FEZ2: variants seen among roughly 807,000 people sequenced by gnomAD.
FEZ2 encodes fasciculation and elongation protein zeta-2.
FEZ2 carries 51 observed loss-of-function variants against 40.4 expected under a neutral mutation model. That is an observed-to-expected ratio of 1.26 (90% CI 1.01 to 1.59). The LOEUF is 1.59. Ranked by LOEUF, FEZ2 falls within the 40% of genes most tolerant of loss-of-function variation. FEZ2 has a pLI of 0.00. For synonymous variants in FEZ2, 242 were observed against 172.0 expected (o/e 1.41, Z -3.18); for missense variants, 640 against 438.3 (o/e 1.46, Z -4.11).
At chr2:36,569,567 TGAACAA>T (rs1668350405) in intron 5 of FEZ2, among the ~76,000 whole-genome samples, 1 of 152,192 alleles carries the variant, frequency 6.6e-6, no homozygotes, top group South Asian at 2.1e-4. Context: ...TACATAAAAG[TGAACAA>T]GAATCAGATA....
At chr2:36,571,288 C>G (rs529590981) in intron 5 of FEZ2, among the ~76,000 whole-genome samples, 2 of 152,284 alleles carry the variant, frequency 1.3e-5, no homozygotes, top group African/African-American at 2.4e-5. Context: ...AAATGCTTTG[C>G]ACTAAAGAAA....
intron 1 of FEZ2, 116 bp downstream of exon 1, chr2:36,597,761 G>A (rs1006600821): frequency 2.3e-5 from 17 of 740,648 alleles, no homozygotes; most frequent in African/African-American, 2.0e-4. Flanking sequence ...AGAGGGCGGG[G>A]ACTCCCGCGT....
At chr2:36,566,849 T>C (rs1668254912) in intron 5 of FEZ2, among the ~76,000 whole-genome samples, 1 of 152,224 alleles carries the variant, frequency 6.6e-6, no homozygotes, top group African/African-American at 2.4e-5. Context: ...ATATTAACTT[T>C]AAACGTCTTC....
rs181587185 is a variant in FEZ2 at position 36,568,155 on chromosome 2, A to T, written c.904-9642T>A. Among the ~76,000 whole-genome samples the T allele has an allele frequency of 1.6e-4, 25 of 152,114 alleles. No homozygotes were observed. The East Asian group carries it at 2.3e-3, about 14-fold the overall frequency. The stretch of plus-strand genomic sequence containing the variant: ...ATGCTTAAATTTTATAAGTAGGAGG[A>T]CAAGGAAAGGGAGAGACAGAAGGGG... On this transcript the variant is annotated intron_variant, in intron 5 of 7. Coordinates refer to ENST00000405912, the MANE Select transcript of FEZ2 (RefSeq NM_005102.3).
chr2:36,561,726 C>G (rs1573002458), intron 5 of FEZ2, among the ~76,000 whole-genome samples: 1 of 151,978 alleles, frequency 6.6e-6, no homozygotes, highest in African/African-American at 2.4e-5. Context: ...GGAAAGGCTT[C>G]GTGAAAAGGA....
At chr2:36,576,893 T>G (rs1668588781) in intron 5 of FEZ2, among the ~76,000 whole-genome samples, 1 of 152,234 alleles carries the variant, frequency 6.6e-6, no homozygotes, top group South Asian at 2.1e-4. Context: ...AAATTTACTT[T>G]TCTCAGCCAA....
intron 2 of FEZ2, among the ~76,000 whole-genome samples, chr2:36,585,575 G>A (rs1411909610): frequency 3.9e-5 from 6 of 152,122 alleles, no homozygotes; most frequent in Admixed American, 6.5e-5. Context: ...TGAGTTCTAC[G>A]GCTCTATTGA....
chr2:36,572,273 T>C (rs904692813), intron 5 of FEZ2, among the ~76,000 whole-genome samples: 2 of 152,146 alleles, frequency 1.3e-5, no homozygotes, highest in African/African-American at 4.8e-5. Flanking sequence ...GCTTGGAGAT[T>C]GGCTGGCCAA....
chr2:36,564,015 TTTAA>T (rs1439449597), intron 5 of FEZ2, among the ~76,000 whole-genome samples: 5 of 152,334 alleles, frequency 3.3e-5, no homozygotes, highest in Admixed American at 2.0e-4. Flanking sequence ...TCTGTCCCTA[TTTAA>T]TTATCATGCA....
intron 5 of FEZ2, among the ~76,000 whole-genome samples, chr2:36,561,768 C>A (rs748433088): frequency 6.6e-6 from 1 of 152,162 alleles, no homozygotes; most frequent in African/African-American, 2.4e-5. Context: ...ATGGTTCCTT[C>A]CCCTGGAATT....
chr2:36,590,449 C>G (rs1396874800), intron 2 of FEZ2: 2 of 154,628 alleles, frequency 1.3e-5, no homozygotes, highest in African/African-American at 4.8e-5. Flanking sequence ...AGGTGAATTA[C>G]CTGAGGTCAG....
chr2:36,579,712 A>G (rs1173363608), intron 4 of FEZ2, among the ~76,000 whole-genome samples: 1 of 152,142 alleles, frequency 6.6e-6, no homozygotes, highest in Admixed American at 6.5e-5. Context: ...TTTTCGTATA[A>G]ATTACCCAGT....
chr2:36,579,254 G>A (rs972490106), intron 4 of FEZ2, among the ~76,000 whole-genome samples: 6 of 152,220 alleles, frequency 3.9e-5, no homozygotes, highest in Non-Finnish European at 5.9e-5. Context: ...ACTGCAAGCC[G>A]TTCAGCAGGG....
intron 6 of FEZ2, chr2:36,556,070 TAC>T (rs1667952938): frequency 1.2e-5 from 6 of 512,478 alleles, no homozygotes; most frequent in Non-Finnish European, 2.0e-5. Context: ...TCTGTAATAA[TAC>T]CGGAAAGTGG....
chr2:36,567,745 G>C (rs1190513361), intron 5 of FEZ2, among the ~76,000 whole-genome samples: 1 of 149,808 alleles, frequency 6.7e-6, no homozygotes, highest in African/African-American at 2.5e-5. Context: ...CTGGGCAATA[G>C]AGCGAGACTC....
chr2:36,553,675 G>C (rs1667881038), intron 7 of FEZ2, among the ~76,000 whole-genome samples: 1 of 152,160 alleles, frequency 6.6e-6, no homozygotes, highest in African/African-American at 2.4e-5. Context: ...AGCCCATACA[G>C]TGCCCACCCT....
intron 2 of FEZ2, among the ~76,000 whole-genome samples, 183 bp from the exon 3 acceptor site, chr2:36,583,652 A>C (rs1200600746): frequency 1.3e-5 from 2 of 152,200 alleles, no homozygotes; most frequent in African/African-American, 4.8e-5. Flanking sequence ...AGAAATGAGA[A>C]GAATGTAGAA....
chr2:36,578,850 G>A lies in FEZ2; in HGVS notation c.650C>T (p.Ser217Leu). Residue 217 changes from serine (S) to leucine (L), a missense_variant, in exon 5 of 8, where the codon TCA (serine) becomes TTA (leucine). Physicochemically the swap from Ser to Leu is moderately radical, Grantham distance 145. Coordinates refer to ENST00000405912, the MANE Select transcript of FEZ2 (RefSeq NM_005102.3). ...GSYEERVKRL[S>L]VSELNEILEE... ...CAGGATTTCATTTAACTCAGACACTGAGAGCCTTTTCACTCCTGTGACCAA... is the reference window on the plus strand; with the variant it reads ...CAGGATTTCATTTAACTCAGACACTAAGAGCCTTTTCACTCCTGTGACCAA... 1.2e-6 allele frequency: 2 copies of A among 1,610,536 alleles called. No homozygotes were observed. The highest frequency in any genetic ancestry group is 1.7e-6 in the Non-Finnish European group (2 of 1,178,742).
At chr2:36,588,233 G>A (rs1668961257) in intron 2 of FEZ2, among the ~76,000 whole-genome samples, 1 of 152,058 alleles carries the variant, frequency 6.6e-6, no homozygotes. Context: ...TCACCGTGTT[G>A]GTAAGGCTGG....
Sources: gnomAD v4.1 joint callset for allele counts (sites outside exome capture counted in the v4.1 genomes callset) on GRCh38, gnomAD v4.1.1 for gene constraint, MANE v1.5 for transcripts, NCBI Gene and HGNC (gene_info 2026-07-23, HGNC 2026-07-21) for gene names.